The following TUT4 variants were observed in gnomAD, a reference collection of about 807,000 sequenced individuals.
TUT4 encodes terminal uridylyltransferase 4.
TUT4 carries 36 observed loss-of-function variants against 192.2 expected under a neutral mutation model. The ratio of observed to expected loss-of-function variants is 0.19; its 90% CI spans 0.14 to 0.25. The LOEUF is 0.25. Among genes scored for constraint, TUT4 ranks in the 10% least tolerant of loss-of-function variants. The pLI is 1.00. For missense variants in TUT4, 1,493 were observed against 1,957.2 expected (o/e 0.76, Z 4.47); for synonymous variants, 618 against 666.0 (o/e 0.93, Z 1.11).
At chr1:52,531,440 G>A (rs1056434878) in intron 1 of TUT4, among the ~76,000 whole-genome samples, 2 of 152,080 alleles carry the variant, frequency 1.3e-5, no homozygotes, top group Admixed American at 1.3e-4. Context: ...CTTCTGTACA[G>A]TCTTACAGTG....
chr1:52,495,935 T>C (rs995242188), intron 5 of TUT4, among the ~76,000 whole-genome samples: 4 of 152,140 alleles, frequency 2.6e-5, no homozygotes, highest in African/African-American at 9.7e-5. Flanking sequence ...CCAATGCTTT[T>C]ATAAAATACG....
At chr1:52,475,587 T>C (rs745375022) in intron 12 of TUT4, 52 bp from the exon 13 acceptor site, 3 of 1,464,526 alleles carry the variant, frequency 2.0e-6, no homozygotes, top group Non-Finnish European at 2.8e-6. Flanking sequence ...CAAACTACAT[T>C]TCCAAGCTCA....
In TUT4 at chr1:52,508,179, A is replaced by G. The variant is rs375593956; in HGVS notation, c.999+1417T>C. Reference sequence around the variant, plus strand: ...AAACCCCGTCTCTATTAAAAATACAAAAATCAGCCAGGCATGGTATGCCTG... The same window carrying G: ...AAACCCCGTCTCTATTAAAAATACAGAAATCAGCCAGGCATGGTATGCCTG... On this transcript the variant is annotated intron_variant, in intron 4 of 29. Transcript: ENST00000257177. Among the ~76,000 whole-genome samples, 19 of 152,028 alleles carry G rather than the reference A, an allele frequency of 1.2e-4. No individual in the cohort carries two copies. In the East Asian group the frequency reaches 3.5e-3, roughly 28 times the overall value.
chr1:52,463,118 A>G (rs1663082314), intron 16 of TUT4: 2 of 982,748 alleles, frequency 2.0e-6, no homozygotes, highest in Non-Finnish European at 2.4e-6. Flanking sequence ...AAAGAAAATG[A>G]TTTATTATTT....
At chr1:52,542,947 G>A (rs761327402) in intron 1 of TUT4, among the ~76,000 whole-genome samples, 6 of 151,924 alleles carry the variant, frequency 3.9e-5, no homozygotes, top group South Asian at 4.2e-4. Flanking sequence ...TAGAGACAGC[G>A]TTTCTCCATG....
chr1:52,467,451 C>A (rs1163212338), intron 15 of TUT4, among the ~76,000 whole-genome samples: 2 of 152,126 alleles, frequency 1.3e-5, no homozygotes, highest in Non-Finnish European at 2.9e-5. Context: ...CTCACATTTT[C>A]CATCAGCAAA....
chr1:52,459,875 C>T (rs959630344), intron 19 of TUT4, among the ~76,000 whole-genome samples: 2 of 151,316 alleles, frequency 1.3e-5, no homozygotes, highest in African/African-American at 4.9e-5. Context: ...GAGAAAGACG[C>T]CATCTCAAAA....
chr1:52,474,666 T>C (rs1666646524), intron 13 of TUT4, among the ~76,000 whole-genome samples, 166 bp downstream of exon 13: 1 of 152,190 alleles, frequency 6.6e-6, no homozygotes. Context: ...ATACATTATT[T>C]AAAGGCAACT....
intron 27 of TUT4, chr1:52,434,708 T>C (rs149532829): frequency 0.028 from 4,266 of 151,870 alleles, 82 homozygotes; most frequent in South Asian, 0.066. Flanking sequence ...CGTGATAGTA[T>C]TGCCTGCAGT....
At chr1:52,453,946 G>T (rs990492669) in intron 20 of TUT4, among the ~76,000 whole-genome samples, 1 of 152,054 alleles carries the variant, frequency 6.6e-6, no homozygotes, top group Admixed American at 6.6e-5. Context: ...ATGAACAAGT[G>T]GAATTTGAAA....
At chr1:52,540,639 A>C (rs1431772679) in intron 1 of TUT4, among the ~76,000 whole-genome samples, 1 of 152,178 alleles carries the variant, frequency 6.6e-6, no homozygotes, top group African/African-American at 2.4e-5. Context: ...TTTCCATTTT[A>C]TACATTAATG....
Position 52,445,994 on chromosome 1 carries a change from G to A in TUT4, c.3702C>T (p.Asp1234=). Residue 1234 remains aspartate, a synonymous_variant, in exon 23 of 30, where the codon GAC becomes GAT. Transcript: ENST00000257177. ...CTCCAGCACCAAGGTTATGATTCAA[G>A]TCAAAAGGGTCTACAAAAGAAATAT... ...SKCIAIEDPF[D]LNHNLGAGVS... 6.2e-7 allele frequency: 1 copy of A among 1,604,374 alleles called. No individual in the cohort carries two copies. The highest frequency in any genetic ancestry group is 8.5e-7 in the Non-Finnish European group (1 of 1,177,376).
intron 1 of TUT4, among the ~76,000 whole-genome samples, chr1:52,530,875 C>T (rs1683191218): frequency 1.3e-5 from 2 of 151,948 alleles, no homozygotes; most frequent in Non-Finnish European, 2.9e-5. Context: ...TGGTGGTATG[C>T]GCCTGTAGTT....
intron 1 of TUT4, among the ~76,000 whole-genome samples, chr1:52,551,629 A>T (rs1175438983): frequency 6.6e-6 from 1 of 152,244 alleles, no homozygotes; most frequent in African/African-American, 2.4e-5. Context: ...ACTACGATGC[A>T]GTGTAGTGAC....
chr1:52,426,971 T>C (rs1410689098), intron 28 of TUT4, among the ~76,000 whole-genome samples: 1 of 152,146 alleles, frequency 6.6e-6, no homozygotes, highest in East Asian at 1.9e-4. Context: ...AGTGTAACTG[T>C]AGCTTTAATA....
At chr1:52,509,757 G>A (rs1405200743) in intron 3 of TUT4, 45 bp from the exon 4 acceptor site, 1 of 1,092,134 alleles carries the variant, frequency 9.2e-7, no homozygotes, top group Non-Finnish European at 1.4e-6. Context: ...AGAAAACAGA[G>A]GAGTAAACTA....
Position 52,477,699 on chromosome 1 carries a change from T to C in TUT4, c.2023+9A>G. The C allele has an allele frequency of 1.2e-6, 2 of 1,602,682 alleles. No homozygotes were observed. Among genetic ancestry groups the C allele is most frequent in the Non-Finnish European group, 1.7e-6 (2 of 1,175,378 alleles). On this transcript the variant is annotated intron_variant, in intron 12 of 29. Transcript: ENST00000257177. ...TATTCTCCAAATGAAATACAACATA[T>C]CATCTCACCTTCAATGGCTATTCGC... is the stretch of plus-strand genomic sequence containing the variant.
intron 9 of TUT4, among the ~76,000 whole-genome samples, chr1:52,485,548 A>T (rs1290370833): frequency 1.3e-5 from 2 of 152,102 alleles, no homozygotes; most frequent in Non-Finnish European, 2.9e-5. Flanking sequence ...ATATGGCTTA[A>T]ATGATGTTTC....
chr1:52,427,523 T>G (rs1456578114), intron 28 of TUT4, among the ~76,000 whole-genome samples: 1 of 152,236 alleles, frequency 6.6e-6, no homozygotes, highest in Non-Finnish European at 1.5e-5. Context: ...TGGGTCTGTC[T>G]TCATGGTTCT....
Sources: gnomAD v4.1 joint callset for allele counts (sites outside exome capture counted in the v4.1 genomes callset) on GRCh38, gnomAD v4.1.1 for gene constraint, MANE v1.5 for transcripts, NCBI Gene and HGNC (gene_info 2026-07-23, HGNC 2026-07-21) for gene names.